Variants in RIMS1 observed in about 807,000 individuals in gnomAD.
The protein encoded by RIMS1 is regulating synaptic membrane exocytosis 1.
RIMS1 carries 83 observed loss-of-function variants against 214.1 expected under a neutral mutation model. That is an observed-to-expected ratio of 0.39 (90% CI 0.32 to 0.47). The LOEUF (loss-of-function observed/expected upper bound fraction) is 0.47. Among genes scored for constraint, RIMS1 ranks in the 20% least tolerant of loss-of-function variants. The pLI is 0.99. For synonymous variants in RIMS1, 793 were observed against 786.8 expected, an observed-to-expected ratio of 1.01 and a Z score of -0.13; for missense variants, 2,050 against 2,161.8, an observed-to-expected ratio of 0.95 and a Z score of 1.03.
intron 29 of RIMS1, among the ~76,000 whole-genome samples, chr6:72,352,038 CAG>C (rs1179479055): frequency 6.6e-6 from 1 of 152,180 alleles, no homozygotes; most frequent in East Asian, 1.9e-4. Flanking sequence ...AGTTGGGCTA[CAG>C]AGTCTGTGCT....
At chr6:72,167,793 G>C (rs1017790498) in intron 4 of RIMS1, among the ~76,000 whole-genome samples, 14 of 151,944 alleles carry the variant, frequency 9.2e-5, no homozygotes, top group African/African-American at 3.4e-4. Flanking sequence ...CTTTCTTTGA[G>C]TAATTATATT....
At chr6:72,360,113 T>G (rs945142242) in intron 29 of RIMS1, among the ~76,000 whole-genome samples, 2 of 152,170 alleles carry the variant, frequency 1.3e-5, no homozygotes, top group Non-Finnish European at 2.9e-5. Flanking sequence ...ATTCAAATTG[T>G]ATAGCCATCT....
At chr6:71,951,069 T>C (rs1789343466) in intron 1 of RIMS1, among the ~76,000 whole-genome samples, 1 of 152,212 alleles carries the variant, frequency 6.6e-6, no homozygotes, top group African/African-American at 2.4e-5. Flanking sequence ...ACACTAATGG[T>C]CAGTCCAAAG....
chr6:72,080,212 C>T (rs1032748710), intron 2 of RIMS1, among the ~76,000 whole-genome samples: 7 of 149,284 alleles, frequency 4.7e-5, no homozygotes, highest in South Asian at 2.1e-4. Flanking sequence ...TGCAGTGAGC[C>T]GAGATCATGC....
intron 26 of RIMS1, among the ~76,000 whole-genome samples, chr6:72,293,226 T>G (rs1303236670): frequency 1.3e-5 from 2 of 152,010 alleles, no homozygotes; most frequent in Non-Finnish European, 2.9e-5. Context: ...ACTCCATGCT[T>G]TAGTTTTCAG....
chr6:72,312,496 A>G (rs977147398), intron 27 of RIMS1, among the ~76,000 whole-genome samples: 17 of 152,060 alleles, frequency 1.1e-4, no homozygotes, highest in Non-Finnish European at 2.4e-4. Flanking sequence ...AGTAGAAATA[A>G]GAGTAGCTTA....
intron 2 of RIMS1, among the ~76,000 whole-genome samples, chr6:71,975,057 T>C (rs1237637882): frequency 6.6e-6 from 1 of 152,092 alleles, no homozygotes; most frequent in African/African-American, 2.4e-5. Context: ...AAAAATAAAA[T>C]TTTTTAAAAA....
chr6:72,079,534 T>G (rs1402377150), intron 2 of RIMS1, among the ~76,000 whole-genome samples: 2 of 152,200 alleles, frequency 1.3e-5, no homozygotes, highest in African/African-American at 4.8e-5. Flanking sequence ...CACCCTTCAC[T>G]TGATGTGATT....
intron 2 of RIMS1, among the ~76,000 whole-genome samples, chr6:71,975,692 C>T (rs1796947274): frequency 6.6e-6 from 1 of 152,086 alleles, no homozygotes; most frequent in Admixed American, 6.6e-5. Flanking sequence ...TTTCATCACC[C>T]TGAAAAAGAA....
chr6:71,963,205 G>A (rs941089509), intron 1 of RIMS1, among the ~76,000 whole-genome samples: 2 of 152,214 alleles, frequency 1.3e-5, no homozygotes, highest in African/African-American at 2.4e-5. Flanking sequence ...AGGGCTGCCT[G>A]GAATGGTGGA....
In RIMS1 at chr6:72,232,542, G is replaced by T. The variant is rs561253968; in HGVS notation, c.1679-1231G>T. On this transcript the variant is annotated intron_variant, in intron 6 of 33. Coordinates refer to ENST00000521978, the MANE Select transcript of RIMS1 (RefSeq NM_014989.7). Reference sequence around the variant, plus strand: ...TTTTAAAGTATGTGATTTGGAGAGAGATATGGAATCTATGTGAAGTAAATT... The same window carrying T: ...TTTTAAAGTATGTGATTTGGAGAGATATATGGAATCTATGTGAAGTAAATT... 1.5e-3 allele frequency among the ~76,000 whole-genome samples: 227 copies of T among 151,754 alleles called. 2 individuals carry two copies. The highest frequency in any genetic ancestry group is 5.3e-3 in the African/African-American group (222 of 41,496).
chr6:72,057,498 C>CTTTTTTTTTTT (rs56115719), intron 2 of RIMS1, among the ~76,000 whole-genome samples: 170 of 126,214 alleles, frequency 1.3e-3, no homozygotes, highest in Non-Finnish European at 2.0e-3. Context: ...CCTTCTTTTT[C>CTTTTTTTTTTT]TTTTTTTTTT....
rs757160554 is a variant in RIMS1 at position 72,182,297 on chromosome 6, G to A, written c.826G>A (p.Gly276Arg). Reference sequence around the variant, plus strand: ...TGTATATCATAGAAAGAAGACCCCAGGGCTTTCCGAGCAGAATGGCAAAGG... The same window carrying A: ...TGTATATCATAGAAAGAAGACCCCAAGGCTTTCCGAGCAGAATGGCAAAGG... Reference protein sequence around the residue: ...EPPRERKKTPGLSEQNGKGAL... With the variant: ...EPPRERKKTPRLSEQNGKGAL... The change falls in exon 6 of 34, where the codon GGG (glycine) becomes AGG (arginine). Residue 276 changes from glycine to arginine, a missense_variant. Coordinates refer to ENST00000521978, the MANE Select transcript of RIMS1 (RefSeq NM_014989.7). The A allele has an allele frequency of 1.3e-4, 201 of 1,594,652 alleles. No individual in the cohort carries two copies. The highest frequency in any genetic ancestry group is 1.6e-4 in the Non-Finnish European group (192 of 1,171,906).
At chr6:72,225,328 T>C (rs1399374515) in intron 6 of RIMS1, among the ~76,000 whole-genome samples, 1 of 152,194 alleles carries the variant, frequency 6.6e-6, no homozygotes, top group East Asian at 1.9e-4. Context: ...TTCATCTTTA[T>C]TATCATTTTA....
In RIMS1 at chr6:72,265,402, T is replaced by C. The variant is rs1489208228; in HGVS notation, c.3207T>C (p.Pro1069=). Residue 1069 remains proline, a synonymous_variant, in exon 21 of 34, where the codon CCT becomes CCC. Transcript: ENST00000521978. ...TTAATTTGTGGAGCTCAATTCTGCC[T>C]GCACATACTAAGACCAAATCAGTGA... ...SHWNIYSSIL[P]AHTKTKSVTR... is the part of the protein sequence containing the mutation. 6.3e-7 allele frequency: 1 copy of C among 1,589,420 alleles called. No homozygotes were observed. The highest frequency in any genetic ancestry group is 2.3e-5 in the East Asian group (1 of 44,422).
At chr6:72,268,873 G>A (rs1227531374) in intron 22 of RIMS1, among the ~76,000 whole-genome samples, 1 of 152,066 alleles carries the variant, frequency 6.6e-6, no homozygotes, top group Non-Finnish European at 1.5e-5. Flanking sequence ...AGGTTTATTT[G>A]TAATAAGAAA....
At chr6:72,196,377 G>GTCTATCTATCTATCTA (rs3047577) in intron 6 of RIMS1, among the ~76,000 whole-genome samples, 3 of 144,090 alleles carry the variant, frequency 2.1e-5, no homozygotes, top group African/African-American at 5.4e-5. Flanking sequence ...CTGTCTGTCT[G>GTCTATCTATCTATCTA]TCTATCTATC....
At chr6:72,190,399 G>T (rs926842414) in intron 6 of RIMS1, among the ~76,000 whole-genome samples, 4 of 150,372 alleles carry the variant, frequency 2.7e-5, no homozygotes, top group South Asian at 4.2e-4. Flanking sequence ...GGAGGCAGAG[G>T]TTGCCGTGAG....
chr6:72,012,302 G>A (rs1477491641), intron 2 of RIMS1, among the ~76,000 whole-genome samples: 2 of 152,098 alleles, frequency 1.3e-5, no homozygotes, highest in African/African-American at 4.8e-5. Flanking sequence ...GACACAGGAA[G>A]GGGAACATGA....
Sources: gnomAD v4.1 joint callset for allele counts (sites outside exome capture counted in the v4.1 genomes callset) on GRCh38, gnomAD v4.1.1 for gene constraint, MANE v1.5 for transcripts, NCBI Gene and HGNC (gene_info 2026-07-23, HGNC 2026-07-21) for gene names.